Variants in HYAL4 observed in about 807,000 individuals in gnomAD.
The protein encoded by HYAL4 is hyaluronidase 4.
HYAL4 carries 37 observed loss-of-function variants against 35.2 expected under a neutral mutation model. That is an observed-to-expected ratio of 1.05 (90% CI 0.81 to 1.38). The LOEUF is 1.38. HYAL4 is among the 40% of genes most tolerant of loss of function. The probability of loss-of-function intolerance (pLI) is 0.00; values close to 1 mark genes in which losing one functional copy is unlikely to be tolerated. For synonymous variants in HYAL4, 198 were observed against 203.2 expected, an observed-to-expected ratio of 0.97 and a Z score of 0.22; for missense variants, 572 against 572.4, an observed-to-expected ratio of 1.00 and a Z score of 0.01.
the HYAL4 span, among the ~76,000 whole-genome samples, chr7:123,820,141 C>A: frequency 6.6e-6 from 1 of 151,908 alleles, no homozygotes; most frequent in East Asian, 1.9e-4. Flanking sequence ...TATCTGCCCG[C>A]CTCAGCCTCC....
At chr7:123,838,354 AT>A (rs1806000191) in intron 1 of HYAL4, among the ~76,000 whole-genome samples, 1 of 151,650 alleles carries the variant, frequency 6.6e-6, no homozygotes, top group Non-Finnish European at 1.5e-5. Flanking sequence ...CTGCTGAAAT[AT>A]TGCAATGAAA....
chr7:123,814,090 TTGCTTATTATTTTCAAGGAGAC>T, the HYAL4 span: 19 of 152,374 alleles, frequency 1.2e-4, no homozygotes, highest in African/African-American at 4.6e-4. Flanking sequence ...GTATGATATT[TTGCTTATTATTTTCAAGGAGAC>T]TGCTGTAATG....
the HYAL4 span, among the ~76,000 whole-genome samples, chr7:123,772,095 T>A: frequency 6.6e-6 from 1 of 152,096 alleles, no homozygotes; most frequent in African/African-American, 2.4e-5. Flanking sequence ...TTCCTGAGTC[T>A]CCAGCTTGCA....
At chr7:123,848,571 A>G (rs1806226128) in intron 2 of HYAL4, among the ~76,000 whole-genome samples, 3 of 152,230 alleles carry the variant, frequency 2.0e-5, no homozygotes, top group Non-Finnish European at 4.4e-5. Context: ...AGCCATAGGA[A>G]CACATGACTT....
chr7:123,828,493 C>T (rs1333285523), upstream of HYAL4, among the ~76,000 whole-genome samples: 1 of 150,846 alleles, frequency 6.6e-6, no homozygotes, highest in Non-Finnish European at 1.5e-5. Flanking sequence ...AACTCATCAA[C>T]TTTAGGAGAA....
rs745413261 is a variant in HYAL4, at chr7:123,877,322, T to C, written c.*167T>C. 2 of 683,380 alleles carry C rather than the reference T, an allele frequency of 2.9e-6. No individual in the cohort carries two copies. The highest frequency in any genetic ancestry group is 4.7e-6 in the Non-Finnish European group (2 of 426,260). The allele number at this position is 683,380 out of a possible 1,614,324, so 42.3% of individuals were successfully genotyped here. A position where few individuals can be genotyped will look rare whatever the true frequency, so the allele number is the denominator to read the frequency against. ...GAAACATTATTTTATTTGCCTCCAG[T>C]CTGGCTAGGAAACCAGATCTGGGGT... On this transcript the variant is annotated 3_prime_UTR_variant, in exon 5 of 5. Transcript: ENST00000223026.
the HYAL4 span, among the ~76,000 whole-genome samples, chr7:123,789,507 T>A: frequency 6.6e-6 from 1 of 152,330 alleles, no homozygotes; most frequent in South Asian, 2.1e-4. Flanking sequence ...TCATTGTATT[T>A]CCTGCTTGGG....
chr7:123,815,438 A>G, the HYAL4 span, among the ~76,000 whole-genome samples: 1 of 152,190 alleles, frequency 6.6e-6, no homozygotes, highest in African/African-American at 2.4e-5. Flanking sequence ...AACCAACTAC[A>G]TTTCTCATTA....
At position 123,868,398 on chromosome 7, in the gene HYAL4, T is replaced by A; in HGVS notation, c.125T>A (p.Ile42Asn). 6.2e-7 allele frequency: 1 copy of A among 1,613,098 alleles called. No homozygotes were observed. ...TGTCTAAAACCTGCTCGACTTCCAA[T>A]TTATCAAAGGAAACCTTTTATAGCT... is the stretch of plus-strand genomic sequence containing the variant. ...ISCLKPARLP[I>N]YQRKPFIAAW... Residue 42 changes from isoleucine (I) to asparagine (N), a missense_variant, in exon 3 of 5, where the codon ATT (isoleucine) becomes AAT (asparagine). By Grantham distance (149) the Ile-to-Asn change is moderately radical. Coordinates refer to ENST00000223026, the MANE Select transcript of HYAL4 (RefSeq NM_012269.3).
the HYAL4 span, among the ~76,000 whole-genome samples, chr7:123,817,058 G>A: frequency 6.6e-5 from 10 of 152,228 alleles, no homozygotes; most frequent in South Asian, 2.1e-4. Flanking sequence ...TTACAGTGGC[G>A]TGACAATTTA....
At chr7:123,775,097 A>G in the HYAL4 span, among the ~76,000 whole-genome samples, 1 of 152,254 alleles carries the variant, frequency 6.6e-6, no homozygotes, top group Non-Finnish European at 1.5e-5. Context: ...GAATGAGACA[A>G]CTCATGAAAT....
chr7:123,821,110 T>C, the HYAL4 span, among the ~76,000 whole-genome samples: 1 of 152,224 alleles, frequency 6.6e-6, no homozygotes, highest in East Asian at 1.9e-4. Context: ...GCAATATACA[T>C]GGGAATGCAG....
At chr7:123,804,334 T>C in the HYAL4 span, among the ~76,000 whole-genome samples, 7 of 152,144 alleles carry the variant, frequency 4.6e-5, no homozygotes, top group East Asian at 1.3e-3. Flanking sequence ...TATGGAAGTC[T>C]GGCCTTTTGC....
chr7:123,799,574 A>G, the HYAL4 span, among the ~76,000 whole-genome samples: 6 of 151,706 alleles, frequency 4.0e-5, no homozygotes, highest in Admixed American at 3.9e-4. Context: ...GAATCTCCTG[A>G]GGTCAGGAGT....
the HYAL4 span, among the ~76,000 whole-genome samples, chr7:123,823,049 T>C: frequency 6.6e-6 from 1 of 151,030 alleles, no homozygotes; most frequent in Non-Finnish European, 1.5e-5. Context: ...GAAAAAGCTT[T>C]CAACTTTTCA....
At chr7:123,814,419 A>G in the HYAL4 span, 1 of 152,654 alleles carries the variant, frequency 6.6e-6, no homozygotes, top group East Asian at 1.9e-4. Flanking sequence ...CAAGATGGAA[A>G]ATCCTTTAAT....
upstream of HYAL4, among the ~76,000 whole-genome samples, chr7:123,841,064 C>T (rs528150200): frequency 2.6e-5 from 4 of 152,048 alleles, no homozygotes; most frequent in South Asian, 8.3e-4. Context: ...TTGTCTTGTG[C>T]TGGTTTTCAA....
At position 123,868,448 on chromosome 7, in the gene HYAL4, T is replaced by C. The variant is rs541371076; in HGVS notation, c.175T>C (p.Cys59Arg). 4.4e-6 allele frequency: 7 copies of C among 1,607,728 alleles called. No homozygotes were observed. The South Asian group carries it at 5.6e-5, about 13-fold the overall frequency. ...IAAWNAPTDQ[C>R]LIKYNLRLNL... ...TGCTTGGAATGCTCCAACAGATCAG[T>C]GTTTGATAAAATATAATTTAAGACT... is the stretch of plus-strand genomic sequence containing the variant. Residue 59 changes from cysteine (C) to arginine (R), a missense_variant, in exon 3 of 5, where the codon TGT becomes CGT. Transcript: ENST00000223026.
chr7:123,798,453 T>G, the HYAL4 span, among the ~76,000 whole-genome samples: 1 of 152,004 alleles, frequency 6.6e-6, no homozygotes, highest in African/African-American at 2.4e-5. Flanking sequence ...AAATAAAGAC[T>G]TATAAAGATC....
Sources: allele counts gnomAD v4.1 joint callset (sites outside exome capture counted in the v4.1 genomes callset), GRCh38; gene constraint gnomAD v4.1.1; transcripts MANE v1.5; gene names NCBI Gene and HGNC (gene_info 2026-07-23, HGNC 2026-07-21).